The following KAZN variants were observed in gnomAD, a reference collection of about 807,000 sequenced individuals.
The protein encoded by KAZN is kazrin, periplakin interacting protein.
KAZN carries 40 observed loss-of-function variants against 87.4 expected under a neutral mutation model. The observed-to-expected ratio is 0.46, with a 90% CI of 0.36 to 0.60. The LOEUF (loss-of-function observed/expected upper bound fraction) is 0.60, where lower values mean the gene tolerates loss of function less well. KAZN is among the 20% of genes least tolerant of loss of function. The pLI is 0.00. For missense variants in KAZN, 898 were observed against 1,073.9 expected (o/e 0.84, Z 2.29); for synonymous variants, 466 against 458.3 (o/e 1.02, Z -0.22).
chr1:14,566,173 C>T (rs751138180), intron 2 of KAZN, among the ~76,000 whole-genome samples: 9 of 152,182 alleles, frequency 5.9e-5, no homozygotes, highest in Non-Finnish European at 1.3e-4. Context: ...ACTCTTTGAT[C>T]CACAAGCTGC....
intron 1 of KAZN, among the ~76,000 whole-genome samples, chr1:14,726,434 C>T (rs979435750): frequency 9.2e-5 from 14 of 152,192 alleles, no homozygotes; most frequent in African/African-American, 2.4e-5. Context: ...AGGTGTGGAG[C>T]GGCTTCCGGG....
At chr1:14,818,515 G>A (rs576061748) in intron 1 of KAZN, among the ~76,000 whole-genome samples, 50 of 152,388 alleles carry the variant, frequency 3.3e-4, no homozygotes, top group African/African-American at 1.2e-3. Flanking sequence ...ATGCCTGCAT[G>A]GATGTGGGGA....
At chr1:14,652,830 G>C (rs929967782) in intron 1 of KAZN, among the ~76,000 whole-genome samples, 125 of 152,034 alleles carry the variant, frequency 8.2e-4, no homozygotes, top group Middle Eastern at 3.4e-3. Context: ...TTTTCAAGTT[G>C]GGGAGATTTT....
chr1:15,048,049 A>G (rs1161765668), intron 4 of KAZN, among the ~76,000 whole-genome samples: 1 of 152,194 alleles, frequency 6.6e-6, no homozygotes, highest in Non-Finnish European at 1.5e-5. Context: ...TGCCAGTGAC[A>G]CTGAGGCCAC....
chr1:14,638,590 A>C (rs1428896351), intron 1 of KAZN, among the ~76,000 whole-genome samples: 1 of 151,904 alleles, frequency 6.6e-6, no homozygotes, highest in Non-Finnish European at 1.5e-5. Flanking sequence ...AAAAAAAAAA[A>C]AACAAAAAGG....
intron 10 of KAZN, among the ~76,000 whole-genome samples, chr1:15,100,405 C>T (rs1641005588): frequency 6.6e-6 from 1 of 152,192 alleles, no homozygotes; most frequent in Admixed American, 6.5e-5. Flanking sequence ...AAGCCCACCA[C>T]TTTCCCTTTC....
intron 2 of KAZN, among the ~76,000 whole-genome samples, chr1:14,521,630 T>C (rs1162930743): frequency 1.3e-5 from 2 of 152,318 alleles, no homozygotes; most frequent in Admixed American, 6.5e-5. Flanking sequence ...GCAAAGCAAC[T>C]GGCTTTGAAC....
At chr1:14,000,582 A>G (rs1639740078) in intron 1 of KAZN, among the ~76,000 whole-genome samples, 1 of 152,228 alleles carries the variant, frequency 6.6e-6, no homozygotes, top group Admixed American at 6.5e-5. Flanking sequence ...TGACAAACCC[A>G]CAATGAATAC....
chr1:14,214,913 A>G (rs1385055422), intron 2 of KAZN, among the ~76,000 whole-genome samples: 1 of 152,220 alleles, frequency 6.6e-6, no homozygotes, highest in Non-Finnish European at 1.5e-5. Flanking sequence ...TTGGGAAGGA[A>G]TGATAGAAAA....
intron 1 of KAZN, among the ~76,000 whole-genome samples, chr1:14,670,525 C>T (rs1418479316): frequency 6.6e-6 from 1 of 152,134 alleles, no homozygotes; most frequent in African/African-American, 2.4e-5. Context: ...ATCAGAGTTA[C>T]CTGGGGAGCA....
At chr1:14,965,286 C>G (rs1479018779) in intron 2 of KAZN, among the ~76,000 whole-genome samples, 1 of 152,112 alleles carries the variant, frequency 6.6e-6, no homozygotes, top group South Asian at 2.1e-4. Flanking sequence ...TTCCAAAGTG[C>G]TGAGATTACA....
chr1:14,419,517 T>G (rs907894563), intron 2 of KAZN, among the ~76,000 whole-genome samples: 9 of 152,218 alleles, frequency 5.9e-5, no homozygotes, highest in African/African-American at 9.6e-5. Context: ...CAGTTCCCTC[T>G]GTGTGGGGAA....
intron 2 of KAZN, among the ~76,000 whole-genome samples, chr1:15,012,468 C>T (rs1263361117): frequency 6.6e-6 from 1 of 152,166 alleles, no homozygotes; most frequent in East Asian, 1.9e-4. Flanking sequence ...GATGCAACGC[C>T]CCACACCTGG....
chr1:14,335,458 C>A (rs1657186953), intron 2 of KAZN, among the ~76,000 whole-genome samples: 1 of 152,122 alleles, frequency 6.6e-6, no homozygotes, highest in Admixed American at 6.5e-5. Context: ...CCACCTCAGC[C>A]TTCCAAAGTG....
At chr1:14,388,096 C>T (rs561325034) in intron 2 of KAZN, among the ~76,000 whole-genome samples, 2 of 152,342 alleles carry the variant, frequency 1.3e-5, no homozygotes, top group African/African-American at 4.8e-5. Flanking sequence ...GTCTGTCACC[C>T]CTTTCTTTGA....
At chr1:14,934,343 A>T (rs1337902921) in intron 1 of KAZN, among the ~76,000 whole-genome samples, 1 of 151,150 alleles carries the variant, frequency 6.6e-6, no homozygotes, top group Non-Finnish European at 1.5e-5. Flanking sequence ...AGTAGCTGGG[A>T]TTACAGGCGC....
intron 2 of KAZN, among the ~76,000 whole-genome samples, chr1:14,487,851 G>A (rs2148402967): frequency 6.6e-6 from 1 of 152,296 alleles, no homozygotes; most frequent in Middle Eastern, 3.4e-3. Context: ...TGCAGATCTG[G>A]GTAGATAGTG....
chr1:14,459,548 G>A (rs555618048), intron 2 of KAZN, among the ~76,000 whole-genome samples: 5 of 152,256 alleles, frequency 3.3e-5, no homozygotes, highest in Non-Finnish European at 5.9e-5. Context: ...GGACTGCTGC[G>A]TCATGAAGGA....
intron 2 of KAZN, among the ~76,000 whole-genome samples, chr1:14,344,156 A>G (rs1259949912): frequency 8.2e-6 from 1 of 121,268 alleles, no homozygotes; most frequent in Non-Finnish European, 1.7e-5. Flanking sequence ...TTATCCATTC[A>G]TGTATTCTTT....
Sources: allele counts gnomAD v4.1 joint callset (sites outside exome capture counted in the v4.1 genomes callset), GRCh38; gene constraint gnomAD v4.1.1; transcripts MANE v1.5; gene names NCBI Gene and HGNC (gene_info 2026-07-23, HGNC 2026-07-21).